Variants in ARHGAP18 observed in about 807,000 individuals in gnomAD.
ARHGAP18 encodes the protein Rho GTPase activating protein 18.
A neutral mutation model predicts 86.2 loss-of-function variants in ARHGAP18; 67 were observed. That is an observed-to-expected ratio of 0.78 (90% CI 0.64 to 0.95). The LOEUF (loss-of-function observed/expected upper bound fraction) is 0.95. ARHGAP18 is among the 40% of genes least tolerant of loss of function. The pLI is 0.00. For synonymous variants in ARHGAP18, 283 were observed against 280.4 expected (o/e 1.01, Z -0.09); for missense variants, 691 against 780.4 (o/e 0.89, Z 1.37).
chr6:129,690,749 C>T (rs535640728), intron 1 of ARHGAP18, among the ~76,000 whole-genome samples: 54 of 152,220 alleles, frequency 3.5e-4, no homozygotes, highest in Non-Finnish European at 5.3e-4. Flanking sequence ...AGCTTAATAA[C>T]GTATGTCACA....
intron 5 of ARHGAP18, among the ~76,000 whole-genome samples, chr6:129,626,065 T>TACAC (rs71028169): frequency 0.099 from 10,080 of 101,374 alleles, 680 homozygotes; most frequent in Admixed American, 0.21. Flanking sequence ...TATACACATA[T>TACAC]ACACACACAC....
intron 3 of ARHGAP18, among the ~76,000 whole-genome samples, chr6:129,634,716 A>C (rs377288092): frequency 5.9e-5 from 9 of 152,272 alleles, no homozygotes; most frequent in East Asian, 1.9e-4. Flanking sequence ...GGAGACAATA[A>C]AAATGTGCTA....
intron 10 of ARHGAP18, 110 bp from the exon 11 acceptor site, chr6:129,600,958 C>T (rs1403406833): frequency 2.3e-6 from 2 of 877,872 alleles, no homozygotes; most frequent in Non-Finnish European, 3.4e-6. Flanking sequence ...TGTGTATAAG[C>T]ACAGTCAACT....
At position 129,632,439 on chromosome 6, in the gene ARHGAP18, T is replaced by C. The variant is rs544484423; in HGVS notation, c.616+1603A>G. Reference sequence around the variant, plus strand: ...TTGATATAGCCTACATCATGATCCCTGGCAAGGGAGGAAAACACCAAGAAA... The same window carrying C: ...TTGATATAGCCTACATCATGATCCCCGGCAAGGGAGGAAAACACCAAGAAA... On this transcript the variant is annotated intron_variant, in intron 4 of 14. Coordinates refer to ENST00000368149, the MANE Select transcript of ARHGAP18 (RefSeq NM_033515.3). Among the ~76,000 whole-genome samples, 22 of 152,314 alleles carry C rather than the reference T, an allele frequency of 1.4e-4. No individual in the cohort carries two copies. The East Asian group carries it at 3.9e-3, about 27-fold the overall frequency.
At chr6:129,611,839 T>C (rs12529889) in intron 7 of ARHGAP18, among the ~76,000 whole-genome samples, 47,900 of 152,112 alleles carry the variant, frequency 0.31, 7,728 homozygotes, top group Admixed American at 0.35. Flanking sequence ...AACAGAAGTG[T>C]GTAATTTCAC....
At chr6:129,625,178 T>TATTTATATGTAA (rs1442407263) in intron 5 of ARHGAP18, among the ~76,000 whole-genome samples, 9 of 86,100 alleles carry the variant, frequency 1.0e-4, no homozygotes, top group African/African-American at 2.6e-4. Flanking sequence ...ATATGATATA[T>TATTTATATGTAA]TATATATTAT....
chr6:129,586,780 T>C (rs1299119223), intron 12 of ARHGAP18, among the ~76,000 whole-genome samples: 4 of 152,146 alleles, frequency 2.6e-5, no homozygotes, highest in African/African-American at 9.7e-5. Context: ...CCCCCACTAT[T>C]TCTTGTAGAA....
intron 5 of ARHGAP18, among the ~76,000 whole-genome samples, chr6:129,628,009 A>G (rs1205430064): frequency 6.6e-6 from 1 of 152,152 alleles, no homozygotes; most frequent in Non-Finnish European, 1.5e-5. Flanking sequence ...TGAATAGGTC[A>G]GGATTGGCCA....
intron 1 of ARHGAP18, among the ~76,000 whole-genome samples, chr6:129,646,503 G>A (rs1169453170): frequency 6.6e-6 from 1 of 152,056 alleles, no homozygotes; most frequent in Non-Finnish European, 1.5e-5. Context: ...AAAGAGCTTT[G>A]GCTTATGTAG....
Position 129,578,463 on chromosome 6 carries a change from C to A in ARHGAP18, c.*50G>T. ...TCTTTTATTTACACTCTTGACTCAG[C>A]AAGAATTATGACAGAAGTCCACATG... On this transcript the variant is annotated 3_prime_UTR_variant, in exon 15 of 15. Coordinates refer to ENST00000368149, the MANE Select transcript of ARHGAP18 (RefSeq NM_033515.3). 4 of 1,463,240 alleles carry A rather than the reference C, an allele frequency of 2.7e-6. No homozygotes were observed. The highest frequency in any genetic ancestry group is 3.8e-6 in the Non-Finnish European group (4 of 1,051,606). The allele number at this position is 1,463,240 out of a possible 1,614,324, so 90.6% of individuals were successfully genotyped here. A position where few individuals can be genotyped will look rare whatever the true frequency, so the allele number is the denominator to read the frequency against.
At chr6:129,680,645 G>A (rs1426960084) in intron 1 of ARHGAP18, among the ~76,000 whole-genome samples, 1 of 152,234 alleles carries the variant, frequency 6.6e-6, no homozygotes, top group Non-Finnish European at 1.5e-5. Flanking sequence ...TTTAGGATCA[G>A]AGGTAAATCT....
At chr6:129,661,378 A>T (rs929632347) in intron 1 of ARHGAP18, among the ~76,000 whole-genome samples, 1 of 151,692 alleles carries the variant, frequency 6.6e-6, no homozygotes, top group Non-Finnish European at 1.5e-5. Flanking sequence ...TTTGTAAAAA[A>T]GTTAATATAT....
intron 2 of ARHGAP18, among the ~76,000 whole-genome samples, chr6:129,640,042 C>CAAAAAAAAAAAAAAA (rs374771260): frequency 8.2e-5 from 6 of 72,892 alleles, no homozygotes; most frequent in African/African-American, 1.2e-4. Flanking sequence ...GAGACTGTCT[C>CAAAAAAAAAAAAAAA]AAAAAAAAAA....
In ARHGAP18 at chr6:129,702,099, A is replaced by G. The variant is rs569412014; in HGVS notation, c.113+7925T>C. Among the ~76,000 whole-genome samples, 3 of 152,334 alleles carry G rather than the reference A, an allele frequency of 2.0e-5. No individual in the cohort carries two copies. In the East Asian group the frequency reaches 5.8e-4, roughly 29 times the overall value. On this transcript the variant is annotated intron_variant, in intron 1 of 14. Transcript: ENST00000368149. ...CTTTGCAGCCAAAAGGCAACTACCA[A>G]ATGCATATGAAAAGGAGATGAGGTT...
At chr6:129,661,892 T>C in intron 1 of ARHGAP18, 1 of 985,312 alleles carries the variant, frequency 1.0e-6, no homozygotes, top group Non-Finnish European at 1.2e-6. Context: ...AACAGCTGTT[T>C]AGAGCTGGTT....
chr6:129,629,556 T>G, intron 4 of ARHGAP18, 34 bp from the exon 5 acceptor site: 4 of 1,568,370 alleles, frequency 2.6e-6, no homozygotes, highest in Non-Finnish European at 3.4e-6. Flanking sequence ...CCAATTCATA[T>G]GCTTTATTTA....
chr6:129,631,296 TCACACC>T (rs1251164901), intron 4 of ARHGAP18, among the ~76,000 whole-genome samples: 3 of 151,924 alleles, frequency 2.0e-5, no homozygotes, highest in Non-Finnish European at 4.4e-5. Flanking sequence ...ACCCCCACAC[TCACACC>T]CACACCAACG....
chr6:129,588,954 C>T (rs1352141565), intron 12 of ARHGAP18, among the ~76,000 whole-genome samples: 2 of 152,324 alleles, frequency 1.3e-5, no homozygotes, highest in South Asian at 4.1e-4. Context: ...CCCTTTTAGC[C>T]ATGGCTGGAG....
intron 1 of ARHGAP18, among the ~76,000 whole-genome samples, chr6:129,707,286 T>C (rs1425480868): frequency 6.6e-6 from 1 of 152,100 alleles, no homozygotes; most frequent in Non-Finnish European, 1.5e-5. Context: ...TACACATATG[T>C]ATAAATGGCA....
Sources: allele counts gnomAD v4.1 joint callset (sites outside exome capture counted in the v4.1 genomes callset), GRCh38; gene constraint gnomAD v4.1.1; transcripts MANE v1.5; gene names NCBI Gene and HGNC (gene_info 2026-07-23, HGNC 2026-07-21).